Variants in HMCN1 observed in about 807,000 individuals in gnomAD.
HMCN1 encodes hemicentin-1.
HMCN1 carries 321 observed loss-of-function variants against 625.9 expected under a neutral mutation model. The ratio of observed to expected loss-of-function variants is 0.51; its 90% CI spans 0.47 to 0.56. HMCN1 has a LOEUF of 0.56. Ranked by LOEUF, HMCN1 falls within the 20% of genes least tolerant of loss-of-function variation. The pLI, the probability that HMCN1 is intolerant of heterozygous loss-of-function variation, is 0.00. For synonymous variants in HMCN1, 2,425 were observed against 2,417.6 expected, an observed-to-expected ratio of 1.00 and a Z score of -0.09; for missense variants, 6,588 against 6,887.3, an observed-to-expected ratio of 0.96 and a Z score of 1.54.
In HMCN1 at chr1:186,024,652, C is replaced by T. The variant is rs115479179; in HGVS notation, c.5749+1499C>T. On this transcript the variant is annotated intron_variant, in intron 36 of 106. Transcript: ENST00000271588. ...CTACTTAATTTCTATGAGTATCTGA[C>T]TTCCATAGTGATTTTGGGGTTCAGA... Among the ~76,000 whole-genome samples the T allele has an allele frequency of 8.9e-4, 136 of 152,310 alleles. 1 individual carries two copies. The highest frequency in any genetic ancestry group is 1.9e-3 in the East Asian group (10 of 5,184).
At chr1:185,876,552 T>C (rs1663948434) in intron 4 of HMCN1, among the ~76,000 whole-genome samples, 1 of 152,246 alleles carries the variant, frequency 6.6e-6, no homozygotes, top group African/African-American at 2.4e-5. Flanking sequence ...TTCTCTTTTC[T>C]CTTCATCTTT....
intron 100 of HMCN1, 135 bp from the exon 101 acceptor site, chr1:186,171,200 CAT>C: frequency 3.0e-6 from 2 of 672,806 alleles, no homozygotes; most frequent in South Asian, 3.2e-5. Context: ...TGGCAGATCA[CAT>C]GAGTGCAATA....
intron 63 of HMCN1, 35 bp from the exon 64 acceptor site, chr1:186,090,723 T>A: frequency 6.2e-7 from 1 of 1,608,212 alleles, no homozygotes; most frequent in Non-Finnish European, 8.5e-7. Flanking sequence ...ATATCCTGTG[T>A]CTTGTTAATG....
chr1:186,049,689 T>C (rs1016952029), intron 42 of HMCN1, among the ~76,000 whole-genome samples: 6 of 152,058 alleles, frequency 3.9e-5, no homozygotes, highest in Non-Finnish European at 5.9e-5. Flanking sequence ...ATTATTGAGA[T>C]TATAAGCTGA....
At chr1:185,852,282 A>T (rs1052661695) in intron 2 of HMCN1, among the ~76,000 whole-genome samples, 69 of 152,022 alleles carry the variant, frequency 4.5e-4, no homozygotes, top group African/African-American at 1.1e-3. Context: ...TCTAGTTTTT[A>T]AAAAAATGCT....
At position 186,116,934 on chromosome 1, in the gene HMCN1, G is replaced by T. The variant is rs188844401; in HGVS notation, c.11562-60G>T. 3.7e-4 allele frequency: 583 copies of T among 1,589,356 alleles called. No homozygotes were observed. In the African/African-American group the frequency reaches 6.7e-3, roughly 18 times the overall value. ...TACAACATGGTACCATGTTAAACTAGCTGGGAAAATTTATGAAAACCTACA... is the reference window on the plus strand; with the variant it reads ...TACAACATGGTACCATGTTAAACTATCTGGGAAAATTTATGAAAACCTACA... On this transcript the variant is annotated intron_variant, in intron 75 of 106. Coordinates refer to ENST00000271588, the MANE Select transcript of HMCN1 (RefSeq NM_031935.3).
intron 106 of HMCN1, among the ~76,000 whole-genome samples, chr1:186,189,267 T>C (rs73042580): frequency 6.6e-6 from 1 of 152,196 alleles, no homozygotes; most frequent in African/African-American, 2.4e-5. Context: ...CTTCAATGGC[T>C]CAGACACTTC....
At chr1:186,051,357 A>G (rs10911806) in intron 42 of HMCN1, among the ~76,000 whole-genome samples, 100,206 of 151,930 alleles carry the variant, frequency 0.66, 35,019 homozygotes, top group African/African-American at 0.91. Flanking sequence ...TCTTTCCCTC[A>G]GAGAAGGAAC....
chr1:185,854,643 G>A (rs996089463), intron 2 of HMCN1, among the ~76,000 whole-genome samples: 17 of 151,970 alleles, frequency 1.1e-4, no homozygotes, highest in Admixed American at 6.6e-4. Context: ...TTATATTCAT[G>A]GTGATTTTTT....
chr1:186,088,353 A>T (rs1432966513), intron 62 of HMCN1, 77 bp downstream of exon 62: 1 of 1,601,970 alleles, frequency 6.2e-7, no homozygotes, highest in Non-Finnish European at 8.5e-7. Context: ...TTAAACTAGC[A>T]CATTTTAAGT....
At chr1:185,911,527 G>A (rs896502425) in intron 5 of HMCN1, 147 bp from the exon 6 acceptor site, 4 of 733,096 alleles carry the variant, frequency 5.5e-6, no homozygotes, top group African/African-American at 5.2e-5. Context: ...AAGACTCTTT[G>A]GGTTAGTTTG....
At chr1:185,834,229 A>T (rs1392431436) in intron 1 of HMCN1, among the ~76,000 whole-genome samples, 1 of 152,226 alleles carries the variant, frequency 6.6e-6, no homozygotes, top group Non-Finnish European at 1.5e-5. Context: ...ACTTAGTGCT[A>T]TTTAATAAAA....
At position 186,078,090 on chromosome 1, in the gene HMCN1, TG is replaced by T; in HGVS notation, c.8486-14del. Reference sequence around the variant, plus strand: ...TCTAAGATTAGAGGAGTAAACATAGTGGGATATTATTTTCAGGAGGGCGAGT... The same window carrying T: ...TCTAAGATTAGAGGAGTAAACATAGTGGATATTATTTTCAGGAGGGCGAGT... On this transcript the variant is annotated splice_polypyrimidine_tract_variant and intron_variant, in intron 54 of 106. Transcript: ENST00000271588. The T allele has an allele frequency of 6.4e-7, 1 of 1,572,490 alleles. No individual in the cohort carries two copies. Among genetic ancestry groups the T allele is most frequent in the Non-Finnish European group, 8.7e-7 (1 of 1,143,106 alleles).
intron 77 of HMCN1, among the ~76,000 whole-genome samples, chr1:186,118,805 A>ATC (rs1427109374): frequency 6.6e-6 from 1 of 152,214 alleles, no homozygotes; most frequent in East Asian, 1.9e-4. Flanking sequence ...GAAAAGGCAA[A>ATC]TCTGTAGAAT....
intron 57 of HMCN1, among the ~76,000 whole-genome samples, chr1:186,085,508 A>T (rs1659423414): frequency 1.3e-5 from 2 of 152,108 alleles, no homozygotes; most frequent in Non-Finnish European, 2.9e-5. Context: ...TTGCTTCCTT[A>T]AAGGCCTCAT....
In HMCN1 at chr1:185,734,922, T is replaced by C; in HGVS notation, c.143T>C (p.Val48Ala). The C allele has an allele frequency of 6.2e-7, 1 of 1,614,154 alleles. No individual in the cohort carries two copies. Among genetic ancestry groups the C allele is most frequent in the Non-Finnish European group, 8.5e-7 (1 of 1,180,012 alleles). The change falls in exon 1 of 107, where the codon GTG (valine) becomes GCG (alanine). Residue 48 changes from valine to alanine, a missense_variant. Val to Ala is a moderately conservative substitution (Grantham distance 64). Around this residue, in one of 3 missense-constraint regions of HMCN1, gnomAD observed 4,628 missense variants for 4,853.1 expected, o/e 0.95. Coordinates refer to ENST00000271588, the MANE Select transcript of HMCN1 (RefSeq NM_031935.3). Reference sequence around the variant, plus strand: ...TCCACGTTGGCTTTTGTGTTTGATGTGACTGGTTCTATGTATGATGATTTA... The same window carrying C: ...TCCACGTTGGCTTTTGTGTTTGATGCGACTGGTTCTATGTATGATGATTTA... Reference protein sequence around the residue: ...GASTLAFVFDVTGSMYDDLVQ... With the variant: ...GASTLAFVFDATGSMYDDLVQ...
rs762025630 is a variant in HMCN1 at position 186,065,340 on chromosome 1, A to G, written c.7616A>G (p.Asn2539Ser). Reference protein sequence around the residue: ...ISGGRFLQITNVQVPHTGRYT... With the variant: ...ISGGRFLQITSVQVPHTGRYT... The stretch of plus-strand genomic sequence containing the variant: ...GGTGGCCGTTTTCTTCAAATTACCA[A>G]TGTCCAGGTGCCACACACTGGAAGA... The change falls in exon 49 of 107, where the codon AAT becomes AGT. Residue 2539 changes from asparagine (N) to serine (S), a missense_variant. Around this residue, in one of 3 missense-constraint regions of HMCN1, gnomAD observed 4,628 missense variants for 4,853.1 expected, o/e 0.95. Transcript: ENST00000271588. The G allele has an allele frequency of 3.7e-6, 6 of 1,612,456 alleles. No homozygotes were observed. Among genetic ancestry groups the G allele is most frequent in the East Asian group, 4.5e-5 (2 of 44,734 alleles).
intron 77 of HMCN1, 76 bp from the exon 78 acceptor site, chr1:186,119,115 C>T: frequency 1.8e-6 from 2 of 1,085,630 alleles, no homozygotes; most frequent in Non-Finnish European, 2.8e-6. Flanking sequence ...AGAAAACACA[C>T]AAAAGAGAGT....
intron 1 of HMCN1, among the ~76,000 whole-genome samples, chr1:185,809,242 C>T (rs1026323793): frequency 1.3e-5 from 2 of 152,054 alleles, no homozygotes; most frequent in Admixed American, 6.6e-5. Flanking sequence ...CAGATTTTGG[C>T]AGTTTTCCCC....
Sources: gnomAD v4.1 joint callset for allele counts (sites outside exome capture counted in the v4.1 genomes callset) on GRCh38, gnomAD v4.1.1 for gene constraint, gnomAD v4.1.1 regional missense constraint, MANE v1.5 for transcripts, NCBI Gene and HGNC (gene_info 2026-07-23, HGNC 2026-07-21) for gene names.